Variants in NBPF3 observed in about 807,000 individuals in gnomAD.
NBPF3 encodes the protein NBPF family member NBPF3.
NBPF3 carries 57 observed loss-of-function variants against 78.1 expected under a neutral mutation model. The ratio of observed to expected loss-of-function variants is 0.73; its 90% CI spans 0.59 to 0.91. The LOEUF is 0.91. Among genes scored for constraint, NBPF3 ranks in the 40% least tolerant of loss-of-function variants. The probability of loss-of-function intolerance (pLI) is 0.00; values close to 1 mark genes in which losing one functional copy is unlikely to be tolerated. For missense variants in NBPF3, 510 were observed against 715.3 expected, an observed-to-expected ratio of 0.71 and a Z score of 3.27; for synonymous variants, 182 against 271.7, an observed-to-expected ratio of 0.67 and a Z score of 3.25.
Position 21,474,903 on chromosome 1 carries a change from A to T in NBPF3, c.944A>T (p.Asn315Ile). Residue 315 changes from asparagine to isoleucine, a missense_variant, in exon 8 of 15, where the codon AAT becomes ATT. By Grantham distance (149) the Asn-to-Ile change is moderately radical. Transcript: ENST00000318249. Reference protein sequence around the residue: ...WLDAVCIIPENESDHEQEEEK... With the variant: ...WLDAVCIIPEIESDHEQEEEK... ...GCTTCTCTGAATTTATTTCCAGAAAATGAAAGTGATCATGAGCAAGAGGAA... is the reference window on the plus strand; with the variant it reads ...GCTTCTCTGAATTTATTTCCAGAAATTGAAAGTGATCATGAGCAAGAGGAA... The T allele has an allele frequency of 6.2e-7, 1 of 1,601,612 alleles. No individual in the cohort carries two copies. Among genetic ancestry groups the T allele is most frequent in the Non-Finnish European group, 8.5e-7 (1 of 1,171,650 alleles).
intron 4 of NBPF3, among the ~76,000 whole-genome samples, chr1:21,470,957 G>A (rs1379402311): frequency 3.3e-5 from 5 of 152,182 alleles, no homozygotes; most frequent in Admixed American, 1.3e-4. Flanking sequence ...TTTCAAACAA[G>A]TAATTGTTGA....
intron 8 of NBPF3, among the ~76,000 whole-genome samples, chr1:21,477,661 T>G (rs186495929): frequency 5.3e-4 from 80 of 152,300 alleles, no homozygotes; most frequent in Admixed American, 2.5e-3. Flanking sequence ...TGCTTATTTT[T>G]TATTAGTGTG....
chr1:21,475,960 A>G (rs6669637), intron 8 of NBPF3, among the ~76,000 whole-genome samples: 110,150 of 151,586 alleles, frequency 0.73, 40,803 homozygotes, highest in South Asian at 0.9. Flanking sequence ...GTGCTCCCGT[A>G]TTGGATATAT....
At chr1:21,469,477 A>G (rs1403055382) in intron 3 of NBPF3, among the ~76,000 whole-genome samples, 1 of 152,192 alleles carries the variant, frequency 6.6e-6, no homozygotes, top group Non-Finnish European at 1.5e-5. Flanking sequence ...CTGTAATCCA[A>G]GCACTTTGGG....
intron 2 of NBPF3, among the ~76,000 whole-genome samples, chr1:21,464,495 CTTTTTGGCATTATGAAAA>C (rs1297079377): frequency 6.6e-6 from 1 of 151,878 alleles, no homozygotes; most frequent in Non-Finnish European, 1.5e-5. Flanking sequence ...TACAGGCATG[CTTTTTGGCATTATGAAAA>C]TATTCTGGAA....
chr1:21,459,025 T>C (rs1641795395), intron 2 of NBPF3, among the ~76,000 whole-genome samples: 1 of 152,186 alleles, frequency 6.6e-6, no homozygotes, highest in African/African-American at 2.4e-5. Context: ...CATTACATGC[T>C]TAAGAATACA....
At chr1:21,447,356 A>G (rs1439318964) in intron 2 of NBPF3, among the ~76,000 whole-genome samples, 1 of 152,220 alleles carries the variant, frequency 6.6e-6, no homozygotes, top group Non-Finnish European at 1.5e-5. Flanking sequence ...TAAATCCCCA[A>G]TACAGCGTCA....
rs140347893 is a variant in NBPF3, at chr1:21,452,281, G to A, written c.133+7062G>A. Among the ~76,000 whole-genome samples the A allele has an allele frequency of 1.2e-3, 182 of 152,258 alleles. 3 individuals are homozygous for A. Among genetic ancestry groups the A allele is most frequent in the African/African-American group, 4.1e-3 (170 of 41,536 alleles). On this transcript the variant is annotated intron_variant, in intron 2 of 14. Coordinates refer to ENST00000318249, the MANE Select transcript of NBPF3 (RefSeq NM_032264.6). ...CATGAAACAGATGGTCATAGAATTG[G>A]TTCAGTGGTTGTGAGTTCAGCAACC...
intron 6 of NBPF3, 124 bp from the exon 7 acceptor site, chr1:21,473,256 A>G: frequency 8.4e-7 from 1 of 1,184,164 alleles, no homozygotes; most frequent in Non-Finnish European, 1.3e-6. Flanking sequence ...TCTTAAAGGG[A>G]TCCTCCTGTT....
At chr1:21,462,459 C>T (rs1244896854) in intron 2 of NBPF3, among the ~76,000 whole-genome samples, 1 of 151,974 alleles carries the variant, frequency 6.6e-6, no homozygotes, top group Non-Finnish European at 1.5e-5. Context: ...GAACTGTTAG[C>T]ATACAACAGA....
At position 21,471,656 on chromosome 1, in the gene NBPF3, A is replaced by G; in HGVS notation, c.534A>G (p.Ser178=). The G allele has an allele frequency of 6.2e-7, 1 of 1,613,246 alleles. No individual in the cohort carries two copies. The part of the protein sequence containing the change: ...KLQEGRDASR[S]LNQHLQALLT... ...AGGAAGGGAGAGATGCCTCCCGCTC[A>G]TTGAATCAGCATCTCCAGGCCCTCC... The change falls in exon 5 of 15, where the codon TCA becomes TCG. Residue 178 remains serine (S), a synonymous_variant. Coordinates refer to ENST00000318249, the MANE Select transcript of NBPF3 (RefSeq NM_032264.6).
intron 2 of NBPF3, among the ~76,000 whole-genome samples, chr1:21,451,202 C>T (rs1333512536): frequency 6.6e-6 from 1 of 152,146 alleles, no homozygotes; most frequent in Non-Finnish European, 1.5e-5. Flanking sequence ...ATGAATGTAT[C>T]ACAGTTTATT....
chr1:21,470,808 A>G (rs1570057190), intron 4 of NBPF3, 74 bp downstream of exon 4: 1 of 979,478 alleles, frequency 1.0e-6, no homozygotes, highest in Non-Finnish European at 1.6e-6. Flanking sequence ...CGGCAGGGAG[A>G]ACTAAGAGCT....
At chr1:21,452,806 A>G (rs1641385333) in intron 2 of NBPF3, among the ~76,000 whole-genome samples, 2 of 152,198 alleles carry the variant, frequency 1.3e-5, no homozygotes, top group South Asian at 4.1e-4. Context: ...CAGTCTCTGT[A>G]TAATCTTCAA....
chr1:21,449,842 C>T, intron 2 of NBPF3: 1 of 578,902 alleles, frequency 1.7e-6, no homozygotes, highest in Non-Finnish European at 2.2e-6. Flanking sequence ...TGAAATACCC[C>T]TCATTGTCTT....
intron 2 of NBPF3, among the ~76,000 whole-genome samples, chr1:21,456,809 AAG>A (rs1641629291): frequency 6.6e-6 from 1 of 152,258 alleles, no homozygotes; most frequent in East Asian, 1.9e-4. Context: ...TCAGATAAAA[AAG>A]TAGAATATCT....
At chr1:21,444,086 C>T (rs1041570457) in intron 1 of NBPF3, among the ~76,000 whole-genome samples, 1 of 151,950 alleles carries the variant, frequency 6.6e-6, no homozygotes, top group East Asian at 1.9e-4. Flanking sequence ...TTTTATTCAC[C>T]ACTGTATTCT....
chr1:21,464,377 C>T (rs897782541), intron 2 of NBPF3, among the ~76,000 whole-genome samples: 1 of 151,760 alleles, frequency 6.6e-6, no homozygotes, highest in Non-Finnish European at 1.5e-5. Flanking sequence ...CTTTGTTATT[C>T]CATATAGAGG....
At chr1:21,448,576 AG>A (rs1250400499) in intron 2 of NBPF3, among the ~76,000 whole-genome samples, 1 of 152,162 alleles carries the variant, frequency 6.6e-6, no homozygotes, top group African/African-American at 2.4e-5. Flanking sequence ...GCCAGACGTC[AG>A]GGGGGTTTTC....
Sources: gnomAD v4.1 joint callset for allele counts (sites outside exome capture counted in the v4.1 genomes callset) on GRCh38, gnomAD v4.1.1 for gene constraint, MANE v1.5 for transcripts, NCBI Gene and HGNC (gene_info 2026-07-23, HGNC 2026-07-21) for gene names.